The following RNF40 variants were observed in gnomAD, a reference collection of about 807,000 sequenced individuals.
RNF40 encodes ring finger protein 40.
In RNF40, 39 loss-of-function variants were observed where a neutral mutation model predicts 123.3. The observed-to-expected ratio is 0.32, with a 90% CI of 0.24 to 0.41. The LOEUF (loss-of-function observed/expected upper bound fraction) is 0.41. Ranked by LOEUF, RNF40 falls within the 10% of genes least tolerant of loss-of-function variation. RNF40 has a pLI of 1.00. For synonymous variants in RNF40, 538 were observed against 526.0 expected, an observed-to-expected ratio of 1.02 and a Z score of -0.31; for missense variants, 1,003 against 1,319.9, an observed-to-expected ratio of 0.76 and a Z score of 3.72.
At position 30,774,631 on chromosome 16, in the gene RNF40, TC is replaced by T. The variant is rs1377520559; in HGVS notation, c.*520del. The T allele has an allele frequency of 1.4e-5, 4 of 282,904 alleles. No individual in the cohort carries two copies. The highest frequency in any genetic ancestry group is 1.0e-4 in the South Asian group (3 of 29,566). 17.5% of individuals were successfully genotyped at this position (282,904 alleles called of 1,614,324 possible). ...CGGCAGGGCTTCTGTCCTGTGGAGT[TC>T]CCTGGACACCTTGGTCTGGCTCTTG... On this transcript the variant is annotated 3_prime_UTR_variant, in exon 20 of 20. Coordinates refer to ENST00000324685, the MANE Select transcript of RNF40 (RefSeq NM_014771.4).
intron 4 of RNF40, 122 bp from the exon 5 acceptor site, chr16:30,764,057 G>A: frequency 1.4e-6 from 1 of 722,898 alleles, no homozygotes; most frequent in African/African-American, 1.8e-5. Context: ...GGAGATAATA[G>A]TGCACTATAG....
chr16:30,765,541 TC>T (rs1368835631), intron 8 of RNF40, 42 bp downstream of exon 8: 2 of 1,555,624 alleles, frequency 1.3e-6, no homozygotes, highest in Non-Finnish European at 1.8e-6. Context: ...CAACCTCTTC[TC>T]TGTTGCACTC....
chr16:30,762,786 G>A lies in RNF40; in HGVS notation c.132+109G>A, dbSNP rs2151324341. 8 of 1,371,964 alleles carry A rather than the reference G, an allele frequency of 5.8e-6. No homozygotes were observed. The South Asian group carries it at 8.9e-5, about 15-fold the overall frequency. 85.0% of individuals were successfully genotyped at this position (1,371,964 alleles called of 1,614,324 possible). A position where few individuals can be genotyped will look rare whatever the true frequency, so the allele number is the denominator to read the frequency against. ...CACTTCCCCAAGTTTAGCAAGGTCC[G>A]CGTTACAGGACCTTGAAAGAAAGGT... is the stretch of plus-strand genomic sequence containing the variant. On this transcript the variant is annotated intron_variant, in intron 2 of 19. Transcript: ENST00000324685.
At chr16:30,770,519 T>C (rs930502045) in intron 17 of RNF40, among the ~76,000 whole-genome samples, 2 of 152,228 alleles carry the variant, frequency 1.3e-5, no homozygotes, top group Admixed American at 6.5e-5. Context: ...CCTCCTTGAC[T>C]CCAGGCTCTA....
Position 30,768,033 on chromosome 16 carries a change from T to G in RNF40, c.1551+18T>G. The G allele has an allele frequency of 6.2e-7, 1 of 1,614,224 alleles. No individual in the cohort carries two copies. ...TTGGCAAGGTGAGAAGGGGCCTGCC[T>G]GGGAAAAGGTTTGGCTAGACTCCAG... On this transcript the variant is annotated intron_variant, in intron 12 of 19. Coordinates refer to ENST00000324685, the MANE Select transcript of RNF40 (RefSeq NM_014771.4). The surrounding 1 kb of genome is among the most constrained non-coding windows in gnomAD (Gnocchi z 4.1).
chr16:30,765,454 C>T lies in RNF40; in HGVS notation c.948C>T (p.Ser316=). ...ACTCTGGCTACTATGTATCTGGGAG[C>T]TCCTCAGGCTTCCAGGGGGGCCAGA... is the stretch of plus-strand genomic sequence containing the variant. ...QLNSGYYVSG[S]SSGFQGGQIT... Residue 316 remains serine, a synonymous_variant, in exon 8 of 20, where the codon AGC becomes AGT. Coordinates refer to ENST00000324685, the MANE Select transcript of RNF40 (RefSeq NM_014771.4). 6.2e-7 allele frequency: 1 copy of T among 1,614,170 alleles called. No individual in the cohort carries two copies. Among genetic ancestry groups the T allele is most frequent in the South Asian group, 1.1e-5 (1 of 91,086 alleles).
Position 30,767,000 on chromosome 16 carries a change from A to G in RNF40, c.1429+124A>G, listed in dbSNP as rs2054045755. 4 of 1,281,194 alleles carry G rather than the reference A, an allele frequency of 3.1e-6. No individual in the cohort carries two copies. The highest frequency in any genetic ancestry group is 2.5e-5 in the East Asian group (1 of 39,568). 79.4% of individuals were successfully genotyped at this position (1,281,194 alleles called of 1,614,324 possible). A position where few individuals can be genotyped will look rare whatever the true frequency, so the allele number is the denominator to read the frequency against. ...TTTTTTCACAGAGCCTCGGCTTCCT[A>G]TGCAAAACAGGGCCTGCACTGCTTG... is the stretch of plus-strand genomic sequence containing the variant. On this transcript the variant is annotated intron_variant, in intron 11 of 19. Coordinates refer to ENST00000324685, the MANE Select transcript of RNF40 (RefSeq NM_014771.4). The surrounding 1 kb of genome is among the most constrained non-coding windows in gnomAD (Gnocchi z 5.4).
Position 30,765,339 on chromosome 16 carries a change from G to T in RNF40, c.918+12G>T, listed in dbSNP as rs770110761. On this transcript the variant is annotated intron_variant, in intron 7 of 19. Transcript: ENST00000324685. The stretch of plus-strand genomic sequence containing the variant: ...AGGCCTTAGAGCAGGTGGGGCAGGG[G>T]TGCTGGGGCAGGTGAGGCAAGGCTG... 6.2e-7 allele frequency: 1 copy of T among 1,614,206 alleles called. No homozygotes were observed. The highest frequency in any genetic ancestry group is 8.5e-7 in the Non-Finnish European group (1 of 1,180,016).
Position 30,765,406 on chromosome 16 carries a change from G to C in RNF40, c.919-19G>C. The C allele has an allele frequency of 6.2e-7, 1 of 1,614,176 alleles. No homozygotes were observed. The highest frequency in any genetic ancestry group is 8.5e-7 in the Non-Finnish European group (1 of 1,179,992). On this transcript the variant is annotated intron_variant, in intron 7 of 19. Transcript: ENST00000324685. Reference sequence around the variant, plus strand: ...CTCCTCCCCTCTACATCCATTGCCTGTCTGTTTTCTCTCCACAGCTTAACT... The same window carrying C: ...CTCCTCCCCTCTACATCCATTGCCTCTCTGTTTTCTCTCCACAGCTTAACT...
At position 30,763,489 on chromosome 16, in the gene RNF40, A is replaced by G. The variant is rs1053843342; in HGVS notation, c.372A>G (p.Ala124=). 1 of 1,613,848 alleles carries G rather than the reference A, an allele frequency of 6.2e-7. No homozygotes were observed. ...SQGELSSAPE[A]PGTQEGPTCD... is the part of the protein sequence containing the mutation. ...GGGAGCTGTCTTCAGCGCCTGAGGCACCTGGGACCCAGGAGGGGCCAACAT... is the reference window on the plus strand; with the variant it reads ...GGGAGCTGTCTTCAGCGCCTGAGGCGCCTGGGACCCAGGAGGGGCCAACAT... The change falls in exon 4 of 20, where the codon GCA becomes GCG. Residue 124 remains alanine, a synonymous_variant. Coordinates refer to ENST00000324685, the MANE Select transcript of RNF40 (RefSeq NM_014771.4).
upstream of RNF40, chr16:30,761,617 C>G (rs1332758637): frequency 4.6e-6 from 7 of 1,536,134 alleles, no homozygotes; most frequent in East Asian, 2.4e-5. Flanking sequence ...TCCGCACACT[C>G]GCACGCGTCC....
upstream of RNF40, chr16:30,761,775 GC>G: frequency 6.7e-7 from 1 of 1,501,172 alleles, no homozygotes; most frequent in Non-Finnish European, 8.9e-7. Flanking sequence ...GCCGCGAGGC[GC>G]CCCGGGCTCC....
chr16:30,763,077 C>G (rs2151324931), intron 2 of RNF40, 41 bp from the exon 3 acceptor site: 1 of 1,610,346 alleles, frequency 6.2e-7, no homozygotes, highest in South Asian at 1.1e-5. Flanking sequence ...TTTGTGGGCC[C>G]TGCTTGACGC....
At chr16:30,764,424 C>T (rs1361326393) in intron 5 of RNF40, 39 bp downstream of exon 5, 1 of 1,543,584 alleles carries the variant, frequency 6.5e-7, no homozygotes, top group Non-Finnish European at 8.9e-7. Flanking sequence ...GTGTCCATCC[C>T]CACCTGCATC....
chr16:30,761,665 C>T, upstream of RNF40: 2 of 1,535,902 alleles, frequency 1.3e-6, no homozygotes, highest in Non-Finnish European at 1.7e-6. Flanking sequence ...GATCCTTCCC[C>T]GCTTCCCGCC....
rs574505236 is a variant in RNF40, at chr16:30,763,473, C to G, written c.356C>G (p.Ser119Cys). The change falls in exon 4 of 20, where the codon TCT becomes TGT. Residue 119 changes from serine (S) to cysteine (C), a missense_variant. Ser to Cys is a moderately radical substitution (Grantham distance 112). This residue lies in a region of RNF40 where 104 missense variants were observed against 85.2 expected (regional missense o/e 1.22). Transcript: ENST00000324685. ...LRCHESQGELSSAPEAPGTQE... is the reference protein window; with the variant it reads ...LRCHESQGELCSAPEAPGTQE... ...TGCCATGAGAGCCAGGGGGAGCTGTCTTCAGCGCCTGAGGCACCTGGGACC... is the reference window on the plus strand; with the variant it reads ...TGCCATGAGAGCCAGGGGGAGCTGTGTTCAGCGCCTGAGGCACCTGGGACC... 4 of 1,613,370 alleles carry G rather than the reference C, an allele frequency of 2.5e-6. No homozygotes were observed. In the African/African-American group the frequency reaches 5.3e-5, roughly 22 times the overall value.
At chr16:30,770,385 C>A (rs949309746) in intron 17 of RNF40, among the ~76,000 whole-genome samples, 3 of 152,014 alleles carry the variant, frequency 2.0e-5, no homozygotes, top group African/African-American at 7.3e-5. Flanking sequence ...GCTGGGGTTA[C>A]AGCGTGAGCC....
intron 4 of RNF40, 129 bp downstream of exon 4, chr16:30,763,688 G>A: frequency 2.2e-6 from 2 of 919,858 alleles, no homozygotes; most frequent in East Asian, 2.6e-5. Flanking sequence ...TCATGTTTGG[G>A]CAGTAAAGTG....
At position 30,763,481 on chromosome 16, in the gene RNF40, C is replaced by T; in HGVS notation, c.364C>T (p.Pro122Ser). The part of the protein sequence containing the change: ...HESQGELSSA[P>S]EAPGTQEGPT... Reference sequence around the variant, plus strand: ...GAGCCAGGGGGAGCTGTCTTCAGCGCCTGAGGCACCTGGGACCCAGGAGGG... The same window carrying T: ...GAGCCAGGGGGAGCTGTCTTCAGCGTCTGAGGCACCTGGGACCCAGGAGGG... Residue 122 changes from proline to serine, a missense_variant, in exon 4 of 20, where the codon CCT (proline) becomes TCT (serine). Around this residue, in one of 11 missense-constraint regions of RNF40, gnomAD observed 104 missense variants for 85.2 expected, o/e 1.22. Coordinates refer to ENST00000324685, the MANE Select transcript of RNF40 (RefSeq NM_014771.4). 6.2e-7 allele frequency: 1 copy of T among 1,613,764 alleles called. No homozygotes were observed. The highest frequency in any genetic ancestry group is 1.1e-5 in the South Asian group (1 of 91,030).
Sources: gnomAD v4.1 joint callset for allele counts (sites outside exome capture counted in the v4.1 genomes callset) on GRCh38, gnomAD v4.1.1 for gene constraint, gnomAD v4.1.1 regional missense constraint, Gnocchi (gnomAD v3.1) non-coding constraint, MANE v1.5 for transcripts, NCBI Gene and HGNC (gene_info 2026-07-23, HGNC 2026-07-21) for gene names.